The following ATP10B variants were observed in gnomAD, a reference collection of about 807,000 sequenced individuals.
The protein encoded by ATP10B is ATPase phospholipid transporting 10B (putative), also known as phospholipid-transporting ATPase VB.
In ATP10B, 122 loss-of-function variants were observed where a neutral mutation model predicts 141.2. That is an observed-to-expected ratio of 0.86 (90% confidence interval 0.75 to 1.00). The LOEUF (loss-of-function observed/expected upper bound fraction) is 1.00, where lower values mean the gene tolerates loss of function less well. ATP10B is among the 50% of genes least tolerant of loss of function. ATP10B has a pLI of 0.00. For missense variants in ATP10B, 1,876 were observed against 1,825.3 expected (o/e 1.03, Z -0.51); for synonymous variants, 685 against 692.0 (o/e 0.99, Z 0.16).
At position 160,636,342 on chromosome 5, in the gene ATP10B, A is replaced by C. The variant is rs776594509; in HGVS notation, c.1001-33T>G. ...GAGGCAAAACCAGGAATGAGGCTGA[A>C]TCTCTACTAAGTCCTAAAGTTGGTC... On this transcript the variant is annotated intron_variant, in intron 10 of 25. Coordinates refer to ENST00000327245, the MANE Select transcript of ATP10B (RefSeq NM_025153.3). 11 of 1,606,448 alleles carry C rather than the reference A, an allele frequency of 6.8e-6. No individual in the cohort carries two copies. The Admixed American group carries it at 1.5e-4, about 22-fold the overall frequency.
intron 1 of ATP10B, among the ~76,000 whole-genome samples, chr5:160,799,700 C>T (rs914916579): frequency 3.3e-5 from 5 of 152,152 alleles, no homozygotes; most frequent in African/African-American, 4.8e-5. Context: ...TGGGGAAAAA[C>T]AGGTAACTTA....
intron 1 of ATP10B, among the ~76,000 whole-genome samples, chr5:160,792,072 C>A (rs1337654215): frequency 6.6e-6 from 1 of 152,100 alleles, no homozygotes; most frequent in Non-Finnish European, 1.5e-5. Context: ...AATCTTACCT[C>A]CTCCAATAAG....
intron 6 of ATP10B, among the ~76,000 whole-genome samples, chr5:160,673,620 C>T (rs1253276171): frequency 6.6e-6 from 1 of 151,786 alleles, no homozygotes; most frequent in African/African-American, 2.4e-5. Context: ...TAGGGGCAGT[C>T]ACCCCAGATT....
intron 18 of ATP10B, among the ~76,000 whole-genome samples, chr5:160,610,931 A>G (rs1026674158): frequency 1.3e-5 from 2 of 152,232 alleles, no homozygotes; most frequent in Non-Finnish European, 2.9e-5. Context: ...CACCTAGCAA[A>G]GAGATAATAA....
intron 1 of ATP10B, among the ~76,000 whole-genome samples, chr5:160,825,518 A>C (rs1330323387): frequency 6.6e-6 from 1 of 152,204 alleles, no homozygotes; most frequent in Non-Finnish European, 1.5e-5. Flanking sequence ...TGAGTCCATC[A>C]AAACTCTTTC....
chr5:160,859,010 G>A, the ATP10B span, among the ~76,000 whole-genome samples: 1 of 151,708 alleles, frequency 6.6e-6, no homozygotes. Context: ...AAATTAACAT[G>A]TTATATTTTC....
chr5:160,866,610 G>T, the ATP10B span, among the ~76,000 whole-genome samples: 991 of 152,194 alleles, frequency 6.5e-3, 16 homozygotes, highest in African/African-American at 0.023. Context: ...GAGTTAAGAG[G>T]TTGCAGTAAG....
chr5:160,872,296 G>A, the ATP10B span, among the ~76,000 whole-genome samples: 2 of 152,136 alleles, frequency 1.3e-5, no homozygotes, highest in African/African-American at 4.8e-5. Context: ...CAGATGTATA[G>A]ATTGTGAAGA....
intron 2 of ATP10B, among the ~76,000 whole-genome samples, chr5:160,773,334 G>T: frequency 6.6e-6 from 1 of 152,182 alleles, no homozygotes; most frequent in South Asian, 2.1e-4. Flanking sequence ...GGTACATGAT[G>T]CCGAGAGCCT....
At chr5:160,822,653 A>G (rs906110559) in intron 1 of ATP10B, among the ~76,000 whole-genome samples, 3 of 152,110 alleles carry the variant, frequency 2.0e-5, no homozygotes, top group Non-Finnish European at 4.4e-5. Context: ...AATGTTGTAC[A>G]TATACATAAT....
intron 1 of ATP10B, among the ~76,000 whole-genome samples, chr5:160,847,097 T>C (rs1776169910): frequency 6.6e-6 from 1 of 152,136 alleles, no homozygotes; most frequent in South Asian, 2.1e-4. Flanking sequence ...ATAAGGAGAC[T>C]GGAGCTCAAA....
the ATP10B span, among the ~76,000 whole-genome samples, chr5:160,891,695 C>T: frequency 6.6e-6 from 1 of 152,184 alleles, no homozygotes; most frequent in African/African-American, 2.4e-5. Flanking sequence ...GCCTCAGCCT[C>T]CCAAAGTGCT....
At chr5:160,878,778 T>A in the ATP10B span, among the ~76,000 whole-genome samples, 1 of 151,828 alleles carries the variant, frequency 6.6e-6, no homozygotes, top group African/African-American at 2.4e-5. Context: ...AAAAAACACA[T>A]GAAGAAATGC....
At chr5:160,900,908 GTTTTTTTT>G in the ATP10B span, among the ~76,000 whole-genome samples, 1 of 88,954 alleles carries the variant, frequency 1.1e-5, no homozygotes, top group Non-Finnish European at 2.1e-5. Context: ...GGGTAGAGAA[GTTTTTTTT>G]TTTTTTTTTT....
chr5:160,697,088 T>A (rs1231061497), intron 3 of ATP10B, among the ~76,000 whole-genome samples: 3 of 152,272 alleles, frequency 2.0e-5, no homozygotes, highest in Admixed American at 2.0e-4. Context: ...TTTTAATAAA[T>A]TTTTGAAACT....
chr5:160,743,271 C>T (rs1305649548), intron 2 of ATP10B, among the ~76,000 whole-genome samples: 2 of 152,164 alleles, frequency 1.3e-5, no homozygotes, highest in Non-Finnish European at 2.9e-5. Flanking sequence ...AACCCACATG[C>T]TTACACAGGG....
intron 1 of ATP10B, among the ~76,000 whole-genome samples, chr5:160,803,478 C>G (rs1435027231): frequency 6.6e-6 from 1 of 152,072 alleles, no homozygotes; most frequent in Non-Finnish European, 1.5e-5. Context: ...GAGTTCAAGA[C>G]CAGCTTGGCC....
At chr5:160,853,125 G>A (rs1447528270), upstream of ATP10B, among the ~76,000 whole-genome samples, 2 of 152,262 alleles carry the variant, frequency 1.3e-5, no homozygotes, top group East Asian at 3.9e-4. Context: ...AATCTGCATC[G>A]CTGTGTGTGT....
At chr5:160,729,627 G>T (rs545297941) in intron 2 of ATP10B, among the ~76,000 whole-genome samples, 2 of 152,310 alleles carry the variant, frequency 1.3e-5, no homozygotes, top group South Asian at 4.1e-4. Flanking sequence ...AGTAGCAACG[G>T]CCTACAAGGA....
Sources: gnomAD v4.1 joint callset for allele counts (sites outside exome capture counted in the v4.1 genomes callset) on GRCh38, gnomAD v4.1.1 for gene constraint, MANE v1.5 for transcripts, NCBI Gene and HGNC (gene_info 2026-07-23, HGNC 2026-07-21) for gene names.